Variants in WASF3 observed in about 807,000 individuals in gnomAD.
WASF3 encodes actin-binding protein WASF3.
In WASF3, 11 loss-of-function variants were observed where a neutral mutation model predicts 46.6. The observed-to-expected ratio is 0.24, with a 90% confidence interval of 0.15 to 0.39. WASF3 has a LOEUF of 0.39. Among genes scored for constraint, WASF3 ranks in the 10% least tolerant of loss-of-function variants. WASF3 has a pLI of 1.00. For missense variants in WASF3, 576 were observed against 669.8 expected, an observed-to-expected ratio of 0.86 and a Z score of 1.55; for synonymous variants, 242 against 259.7, an observed-to-expected ratio of 0.93 and a Z score of 0.65.
intron 3 of WASF3, among the ~76,000 whole-genome samples, chr13:26,658,228 C>G (rs1271152054): frequency 1.3e-5 from 2 of 152,002 alleles, no homozygotes; most frequent in Non-Finnish European, 2.9e-5. Flanking sequence ...TAAAGTTGGA[C>G]TGGAGTATGT....
At chr13:26,654,587 G>A (rs2137439626) in intron 3 of WASF3, among the ~76,000 whole-genome samples, 1 of 152,228 alleles carries the variant, frequency 6.6e-6, no homozygotes, top group East Asian at 1.9e-4. Flanking sequence ...AATATTTGCT[G>A]AAAAAATGAA....
intron 1 of WASF3, among the ~76,000 whole-genome samples, chr13:26,582,076 A>C (rs954839296): frequency 1.3e-5 from 2 of 152,228 alleles, no homozygotes; most frequent in African/African-American, 4.8e-5. Context: ...TCTTTGCATG[A>C]GTCTGATTTC....
At chr13:26,554,219 T>C (rs948367075), upstream of WASF3, among the ~76,000 whole-genome samples, 2 of 151,630 alleles carry the variant, frequency 1.3e-5, no homozygotes, top group African/African-American at 4.9e-5. Flanking sequence ...CTCCAACTCC[T>C]AGGCTGAAGC....
intron 3 of WASF3, among the ~76,000 whole-genome samples, chr13:26,652,069 C>T (rs754824552): frequency 3.6e-4 from 54 of 152,078 alleles, no homozygotes; most frequent in Admixed American, 6.5e-5. Context: ...CTAACCACAT[C>T]AATAATTTCT....
At chr13:26,603,387 A>G (rs997266904) in intron 1 of WASF3, among the ~76,000 whole-genome samples, 1 of 152,236 alleles carries the variant, frequency 6.6e-6, no homozygotes, top group African/African-American at 2.4e-5. Flanking sequence ...AATCAAGGAA[A>G]TAAAAACACA....
intron 3 of WASF3, among the ~76,000 whole-genome samples, chr13:26,653,302 A>G (rs1018098873): frequency 7.2e-5 from 11 of 152,122 alleles, no homozygotes; most frequent in Non-Finnish European, 1.3e-4. Context: ...TAAATATGCA[A>G]AGAAGTCTCC....
the WASF3 span, among the ~76,000 whole-genome samples, chr13:26,544,421 C>A: frequency 6.6e-6 from 1 of 152,188 alleles, no homozygotes; most frequent in Non-Finnish European, 1.5e-5. Context: ...CTTTTCAGCA[C>A]AGCATCTCCT....
At chr13:26,671,444 C>T (rs564097531) in intron 5 of WASF3, among the ~76,000 whole-genome samples, 21 of 152,280 alleles carry the variant, frequency 1.4e-4, no homozygotes, top group Middle Eastern at 3.4e-3. Context: ...AGAGTACTTA[C>T]TAATTTTTAT....
chr13:26,570,476 T>C (rs1175531086), intron 1 of WASF3, among the ~76,000 whole-genome samples: 1 of 152,214 alleles, frequency 6.6e-6, no homozygotes, highest in Non-Finnish European at 1.5e-5. Context: ...TCTAGTTTCT[T>C]TTAAGACAGT....
chr13:26,577,786 A>C, intron 1 of WASF3: 1 of 623,192 alleles, frequency 1.6e-6, no homozygotes. Context: ...TTCAGATTTC[A>C]CTAGTTTATA....
intron 1 of WASF3, among the ~76,000 whole-genome samples, chr13:26,587,395 G>A (rs532502572): frequency 4.6e-5 from 7 of 152,012 alleles, no homozygotes; most frequent in Admixed American, 3.3e-4. Context: ...GGAAACTACA[G>A]AAATGGCTCT....
intron 9 of WASF3, 49 bp downstream of exon 9, chr13:26,683,023 T>G: frequency 6.4e-7 from 1 of 1,562,460 alleles, no homozygotes; most frequent in Non-Finnish European, 8.6e-7. Context: ...AAGAGGTTTC[T>G]TCATGTCTCC....
In WASF3 at chr13:26,680,982, A is replaced by G. The variant is rs1028282404; in HGVS notation, c.717-72A>G. 11 of 1,526,890 alleles carry G rather than the reference A, an allele frequency of 7.2e-6. No individual in the cohort carries two copies. The Admixed American group carries it at 1.9e-4, about 26-fold the overall frequency. The allele number at this position is 1,526,890 out of a possible 1,614,324, so 94.6% of individuals were successfully genotyped here. On this transcript the variant is annotated intron_variant, in intron 7 of 9. Transcript: ENST00000335327. The stretch of plus-strand genomic sequence containing the variant: ...ATTAGCAATGTTATTATTCAAATAC[A>G]TCCATGTGCCTGTTAGCCGACAATT...
At chr13:26,677,291 G>T (rs1883095017) in intron 7 of WASF3, among the ~76,000 whole-genome samples, 1 of 152,184 alleles carries the variant, frequency 6.6e-6, no homozygotes, top group African/African-American at 2.4e-5. Flanking sequence ...AATATTTCTT[G>T]CAGGCGTGAA....
At chr13:26,678,549 C>T (rs544654078) in intron 7 of WASF3, among the ~76,000 whole-genome samples, 70 of 152,046 alleles carry the variant, frequency 4.6e-4, no homozygotes, top group Admixed American at 7.2e-4. Context: ...ATGATTGTAT[C>T]CGCTCATCTG....
At chr13:26,628,611 GT>G (rs1372387195) in intron 2 of WASF3, among the ~76,000 whole-genome samples, 4 of 152,230 alleles carry the variant, frequency 2.6e-5, no homozygotes, top group African/African-American at 9.6e-5. Context: ...GCTGGCTGGA[GT>G]CAGTTTCCTC....
At chr13:26,590,288 T>C (rs1880251897) in intron 1 of WASF3, among the ~76,000 whole-genome samples, 1 of 152,218 alleles carries the variant, frequency 6.6e-6, no homozygotes, top group Non-Finnish European at 1.5e-5. Context: ...TTTTTAGTTA[T>C]TTCTGTACTA....
intron 5 of WASF3, 135 bp from the exon 6 acceptor site, chr13:26,671,737 T>A (rs1300947472): frequency 2.0e-6 from 1 of 512,398 alleles, no homozygotes; most frequent in African/African-American, 2.0e-5. Flanking sequence ...CTTAAAGACT[T>A]AATATGTGTA....
intron 1 of WASF3, among the ~76,000 whole-genome samples, chr13:26,568,198 A>G (rs576117987): frequency 6.6e-6 from 1 of 152,262 alleles, no homozygotes; most frequent in East Asian, 1.9e-4. Context: ...ACATGATACC[A>G]TTTAAGTTAG....
Sources: allele counts gnomAD v4.1 joint callset (sites outside exome capture counted in the v4.1 genomes callset), GRCh38; gene constraint gnomAD v4.1.1; transcripts MANE v1.5; gene names NCBI Gene and HGNC (gene_info 2026-07-23, HGNC 2026-07-21).